The following RIC8B variants were observed in gnomAD, a reference collection of about 807,000 sequenced individuals.
RIC8B encodes the protein chaperone Ric-8B.
Under a neutral mutation model 57.5 loss-of-function variants are expected in RIC8B, and 16 were observed. The ratio of observed to expected loss-of-function variants is 0.28; its 90% CI spans 0.19 to 0.42. The LOEUF (loss-of-function observed/expected upper bound fraction) is 0.42, where lower values mean the gene tolerates loss of function less well. RIC8B is among the 10% of genes least tolerant of loss of function. The pLI, the probability that RIC8B is intolerant of heterozygous loss-of-function variation, is 1.00. For missense variants in RIC8B, 481 were observed against 677.0 expected (o/e 0.71, Z 3.21); for synonymous variants, 216 against 250.8 (o/e 0.86, Z 1.31).
intron 2 of RIC8B, among the ~76,000 whole-genome samples, chr12:106,801,930 G>A (rs1049919028): frequency 1.3e-5 from 2 of 152,084 alleles, no homozygotes; most frequent in African/African-American, 2.4e-5. Context: ...CTACATACAC[G>A]TGCTGTATAC....
At chr12:106,817,933 A>T (rs1399572874) in intron 3 of RIC8B, among the ~76,000 whole-genome samples, 1 of 152,228 alleles carries the variant, frequency 6.6e-6, no homozygotes, top group Admixed American at 6.5e-5. Context: ...AAGACACAAA[A>T]GACAGTTTAC....
At chr12:106,881,724 G>A (rs1593414967) in intron 9 of RIC8B, among the ~76,000 whole-genome samples, 1 of 152,098 alleles carries the variant, frequency 6.6e-6, no homozygotes, top group South Asian at 2.1e-4. Flanking sequence ...CATTTACCAA[G>A]CCTTTTAGGA....
At chr12:106,813,588 C>T (rs2045437839) in intron 2 of RIC8B, among the ~76,000 whole-genome samples, 1 of 152,160 alleles carries the variant, frequency 6.6e-6, no homozygotes, top group Non-Finnish European at 1.5e-5. Context: ...GGGATGACTA[C>T]ATTTAAAATA....
intron 9 of RIC8B, chr12:106,874,655 T>G: frequency 5.9e-6 from 6 of 1,010,260 alleles, no homozygotes; most frequent in Non-Finnish European, 8.9e-6. Context: ...AATGTAAAAG[T>G]TAAAATTACA....
chr12:106,873,454 G>A (rs938021120), intron 9 of RIC8B, among the ~76,000 whole-genome samples: 4 of 152,084 alleles, frequency 2.6e-5, no homozygotes, highest in Admixed American at 6.5e-5. Flanking sequence ...TTCTTTATGC[G>A]TCTTACATGT....
chr12:106,816,814 A>G (rs2136293382), intron 3 of RIC8B, among the ~76,000 whole-genome samples: 1 of 152,368 alleles, frequency 6.6e-6, no homozygotes, highest in South Asian at 2.1e-4. Flanking sequence ...TTCAGTTATA[A>G]GTAATATCGG....
intron 9 of RIC8B, among the ~76,000 whole-genome samples, chr12:106,872,765 A>T (rs910228011): frequency 1.3e-5 from 2 of 151,914 alleles, no homozygotes; most frequent in African/African-American, 4.8e-5. Flanking sequence ...TTAGTGTGTT[A>T]GGACAGTAAA....
chr12:106,861,306 A>G (rs1434760941), intron 8 of RIC8B, among the ~76,000 whole-genome samples: 1 of 152,068 alleles, frequency 6.6e-6, no homozygotes, highest in Non-Finnish European at 1.5e-5. Flanking sequence ...GTTCGAGGAT[A>G]GACTATCTTT....
At chr12:106,789,727 G>C (rs928099211) in intron 2 of RIC8B, among the ~76,000 whole-genome samples, 3 of 152,086 alleles carry the variant, frequency 2.0e-5, no homozygotes, top group Non-Finnish European at 2.9e-5. Context: ...GATGAGATTT[G>C]GGTGGGGACA....
intron 6 of RIC8B, among the ~76,000 whole-genome samples, chr12:106,850,009 G>A (rs1198891519): frequency 1.3e-5 from 2 of 152,348 alleles, no homozygotes; most frequent in Middle Eastern, 3.4e-3. Context: ...ACAGCAGGAG[G>A]GGAGCAGCAG....
At chr12:106,839,520 G>T (rs1305517008) in intron 4 of RIC8B, among the ~76,000 whole-genome samples, 1 of 152,160 alleles carries the variant, frequency 6.6e-6, no homozygotes, top group East Asian at 1.9e-4. Flanking sequence ...TAGAATAGTG[G>T]TTATCTGGGG....
intron 2 of RIC8B, among the ~76,000 whole-genome samples, chr12:106,786,494 A>G (rs1393962057): frequency 6.6e-6 from 1 of 152,186 alleles, no homozygotes; most frequent in Non-Finnish European, 1.5e-5. Context: ...AAATACTCAT[A>G]TATCTGATGG....
At chr12:106,884,345 A>C (rs1951084103) in intron 9 of RIC8B, among the ~76,000 whole-genome samples, 1 of 152,200 alleles carries the variant, frequency 6.6e-6, no homozygotes, top group African/African-American at 2.4e-5. Flanking sequence ...ACAGATGTTG[A>C]AGACATGAAC....
At chr12:106,838,535 CAAAA>C (rs34383569) in intron 4 of RIC8B, among the ~76,000 whole-genome samples, 1 of 94,792 alleles carries the variant, frequency 1.1e-5, no homozygotes. Context: ...AATACCCTGT[CAAAA>C]AAAAAAAAAA....
At chr12:106,843,620 G>A (rs1949052982) in intron 5 of RIC8B, among the ~76,000 whole-genome samples, 1 of 151,254 alleles carries the variant, frequency 6.6e-6, no homozygotes, top group Non-Finnish European at 1.5e-5. Context: ...TACTCAGGAG[G>A]CTGAGGCAGG....
At chr12:106,781,861 T>G (rs1202880856) in intron 1 of RIC8B, among the ~76,000 whole-genome samples, 1 of 152,210 alleles carries the variant, frequency 6.6e-6, no homozygotes, top group African/African-American at 2.4e-5. Flanking sequence ...TTAGTGCGAT[T>G]ATTTTCATTT....
At chr12:106,816,359 TA>T (rs1481298919) in intron 3 of RIC8B, among the ~76,000 whole-genome samples, 2 of 152,182 alleles carry the variant, frequency 1.3e-5, no homozygotes, top group African/African-American at 4.8e-5. Context: ...AAAGCGCAAA[TA>T]GATCTGTATT....
chr12:106,849,373 G>A (rs931646782), intron 6 of RIC8B, among the ~76,000 whole-genome samples: 4 of 145,996 alleles, frequency 2.7e-5, no homozygotes, highest in East Asian at 4.0e-4. Flanking sequence ...GGCTGGTCTC[G>A]AGCTCCTGGT....
intron 2 of RIC8B, among the ~76,000 whole-genome samples, chr12:106,801,841 C>T (rs980627541): frequency 1.3e-5 from 2 of 152,202 alleles, no homozygotes; most frequent in Non-Finnish European, 2.9e-5. Flanking sequence ...ATTGTCCCAA[C>T]TACAGTTATA....
Sources: gnomAD v4.1 joint callset for allele counts (sites outside exome capture counted in the v4.1 genomes callset) on GRCh38, gnomAD v4.1.1 for gene constraint, MANE v1.5 for transcripts, NCBI Gene and HGNC (gene_info 2026-07-23, HGNC 2026-07-21) for gene names.